Variants in RYR2 observed in about 807,000 individuals in gnomAD.
RYR2 encodes cardiac muscle ryanodine receptor-calcium release channel.
RYR2 carries 227 observed loss-of-function variants against 601.1 expected under a neutral mutation model. That is an observed-to-expected ratio of 0.38 (90% CI 0.34 to 0.42). The LOEUF is 0.42. RYR2 is among the 10% of genes least tolerant of loss of function. The pLI is 1.00. For synonymous variants in RYR2, 2,223 were observed against 2,175.1 expected (o/e 1.02, Z -0.61); for missense variants, 4,646 against 6,156.5 (o/e 0.75, Z 8.21).
chr1:237,693,018 C>T (rs141363790), intron 63 of RYR2, among the ~76,000 whole-genome samples: 124 of 152,230 alleles, frequency 8.1e-4, no homozygotes, highest in African/African-American at 2.7e-3. Flanking sequence ...CACCCAGGTC[C>T]GGCCTTCAAG....
intron 80 of RYR2, among the ~76,000 whole-genome samples, chr1:237,751,876 A>G (rs1446602106): frequency 1.3e-5 from 2 of 152,244 alleles, no homozygotes; most frequent in East Asian, 1.9e-4. Flanking sequence ...TAAATGAGCT[A>G]AAGCCCACAA....
At chr1:237,112,935 G>A (rs1235541175) in intron 1 of RYR2, among the ~76,000 whole-genome samples, 1 of 152,054 alleles carries the variant, frequency 6.6e-6, no homozygotes, top group Non-Finnish European at 1.5e-5. Context: ...ACCTTGCAGA[G>A]CCCTGGCGTC....
chr1:237,399,779 A>G (rs1703179914), intron 10 of RYR2, among the ~76,000 whole-genome samples: 1 of 152,072 alleles, frequency 6.6e-6, no homozygotes, highest in South Asian at 2.1e-4. Flanking sequence ...GAGGTACAGA[A>G]GTGGAGTGTG....
At chr1:237,336,995 C>A (rs1572645716) in intron 3 of RYR2, among the ~76,000 whole-genome samples, 1 of 151,130 alleles carries the variant, frequency 6.6e-6, no homozygotes. Flanking sequence ...TCACACCTGT[C>A]ATCCCAGCAA....
chr1:237,671,458 G>A (rs1170951976), intron 58 of RYR2, among the ~76,000 whole-genome samples: 2 of 151,974 alleles, frequency 1.3e-5, no homozygotes, highest in Non-Finnish European at 2.9e-5. Flanking sequence ...GCCGATAAGA[G>A]GTAGGTGGGA....
chr1:237,795,484 C>T (rs1008777917), intron 96 of RYR2, among the ~76,000 whole-genome samples, 153 bp downstream of exon 96: 3 of 150,916 alleles, frequency 2.0e-5, no homozygotes, highest in Non-Finnish European at 4.4e-5. Context: ...TGGAGTCTCA[C>T]TCCGTCACCC....
At chr1:237,816,182 G>A (rs2794833) in intron 100 of RYR2, among the ~76,000 whole-genome samples, 37,105 of 152,004 alleles carry the variant, frequency 0.24, 4,983 homozygotes, top group East Asian at 0.56. Context: ...ACATGGAGGA[G>A]TACCAGTCCA....
At chr1:237,472,928 A>G (rs997376378) in intron 17 of RYR2, among the ~76,000 whole-genome samples, 9 of 152,276 alleles carry the variant, frequency 5.9e-5, no homozygotes, top group African/African-American at 2.2e-4. Flanking sequence ...GGAAGTCATT[A>G]GACCCAAAGG....
intron 1 of RYR2, among the ~76,000 whole-genome samples, chr1:237,135,886 T>C (rs912083649): frequency 6.6e-6 from 1 of 152,140 alleles, no homozygotes; most frequent in African/African-American, 2.4e-5. Flanking sequence ...GAAGAGGTGG[T>C]GTGTGCAGGG....
At chr1:237,316,125 A>G (rs1695087796) in intron 2 of RYR2, among the ~76,000 whole-genome samples, 1 of 152,188 alleles carries the variant, frequency 6.6e-6, no homozygotes, top group Non-Finnish European at 1.5e-5. Context: ...AAAAACAACT[A>G]ATTTTAGAAA....
chr1:237,215,578 C>T (rs1353082108), intron 1 of RYR2, among the ~76,000 whole-genome samples: 1 of 152,026 alleles, frequency 6.6e-6, no homozygotes, highest in African/African-American at 2.4e-5. Context: ...TATCAAAATA[C>T]TTGTGTTGTT....
At chr1:237,511,316 G>T (rs79512635) in intron 23 of RYR2, among the ~76,000 whole-genome samples, 24 of 125,692 alleles carry the variant, frequency 1.9e-4, no homozygotes, top group African/African-American at 6.4e-4. Flanking sequence ...AAAAAAAAAA[G>T]AGTAAGCTGG....
intron 62 of RYR2, among the ~76,000 whole-genome samples, chr1:237,681,184 C>G (rs1186206776): frequency 6.6e-6 from 1 of 152,154 alleles, no homozygotes; most frequent in African/African-American, 2.4e-5. Context: ...AATTACAGAG[C>G]AAGTTTACTT....
At chr1:237,519,536 A>T (rs575815261) in intron 24 of RYR2, among the ~76,000 whole-genome samples, 1 of 152,278 alleles carries the variant, frequency 6.6e-6, no homozygotes, top group East Asian at 1.9e-4. Flanking sequence ...TGAAGAGTGT[A>T]TCCTTTCTCC....
intron 27 of RYR2, among the ~76,000 whole-genome samples, chr1:237,555,463 T>A (rs1374722946): frequency 6.6e-6 from 1 of 152,080 alleles, no homozygotes; most frequent in African/African-American, 2.4e-5. Context: ...GGGAAAAAAC[T>A]CACACCTGGT....
At chr1:237,343,947 A>C (rs1192034587) in intron 3 of RYR2, among the ~76,000 whole-genome samples, 5 of 151,860 alleles carry the variant, frequency 3.3e-5, no homozygotes. Context: ...CAGCCTCCCA[A>C]GTAGCTGGGA....
At chr1:237,085,311 C>T (rs1349143955) in intron 1 of RYR2, among the ~76,000 whole-genome samples, 1 of 152,168 alleles carries the variant, frequency 6.6e-6, no homozygotes, top group Non-Finnish European at 1.5e-5. Flanking sequence ...CAAAAGGAGT[C>T]AAGTCTTTGG....
intron 58 of RYR2, among the ~76,000 whole-genome samples, chr1:237,670,243 A>C (rs1192069594): frequency 1.3e-5 from 2 of 148,782 alleles, no homozygotes; most frequent in African/African-American, 5.0e-5. Flanking sequence ...GCAGCTGTAC[A>C]GTCCAGCTTC....
intron 2 of RYR2, among the ~76,000 whole-genome samples, chr1:237,278,024 T>C (rs1482958955): frequency 1.3e-5 from 2 of 152,072 alleles, no homozygotes; most frequent in Admixed American, 6.6e-5. Context: ...TTGAGGATCA[T>C]AGATTTGAAG....
Sources: allele counts gnomAD v4.1 joint callset (sites outside exome capture counted in the v4.1 genomes callset), GRCh38; gene constraint gnomAD v4.1.1; transcripts MANE v1.5; gene names NCBI Gene and HGNC (gene_info 2026-07-23, HGNC 2026-07-21).